The following DOCK9 variants were observed in gnomAD, a reference collection of about 807,000 sequenced individuals.
DOCK9 encodes dedicator of cytokinesis 9, also known as dedicator of cytokinesis protein 9.
Under a neutral mutation model 263.3 loss-of-function variants are expected in DOCK9, and 89 were observed. The ratio of observed to expected loss-of-function variants is 0.34; its 90% CI spans 0.28 to 0.40. The LOEUF is 0.40. DOCK9 is among the 10% of genes least tolerant of loss of function. DOCK9 has a pLI of 1.00. For synonymous variants in DOCK9, 976 were observed against 973.1 expected, an observed-to-expected ratio of 1.00 and a Z score of -0.06; for missense variants, 2,140 against 2,603.4, an observed-to-expected ratio of 0.82 and a Z score of 3.87.
intron 1 of DOCK9, chr13:99,086,092 CTT>C: frequency 7.7e-7 from 1 of 1,306,570 alleles, no homozygotes; most frequent in South Asian, 1.8e-5. Flanking sequence ...GGCCCCACCT[CTT>C]GATTCCGCGG....
intron 15 of DOCK9, among the ~76,000 whole-genome samples, chr13:98,892,968 A>C (rs2139129324): frequency 6.6e-6 from 1 of 152,348 alleles, no homozygotes; most frequent in African/African-American, 2.4e-5. Context: ...CACAGAAGTG[A>C]GCCACAGACT....
rs374759309 is a variant in DOCK9 at position 98,836,760 on chromosome 13, T to G, written c.4314+734A>C. Among the ~76,000 whole-genome samples, 216 of 152,330 alleles carry G rather than the reference T, an allele frequency of 1.4e-3. 7 individuals are homozygous for G. In the South Asian group the frequency reaches 0.042, roughly 30 times the overall value. On this transcript the variant is annotated intron_variant, in intron 39 of 52. Coordinates refer to ENST00000682017, the MANE Select transcript of DOCK9 (RefSeq NM_001366683.2). ...CTCATTATTCTTCCTAATAAAGGAA[T>G]GTGCTTTATGAGTAGTGGAGACAAG...
Position 99,006,116 on chromosome 13 carries a change from A to G in DOCK9, c.130-50565T>C, listed in dbSNP as rs904140016. Among the ~76,000 whole-genome samples, 24 of 152,348 alleles carry G rather than the reference A, an allele frequency of 1.6e-4. No homozygotes were observed. The East Asian group carries it at 4.0e-3, about 26-fold the overall frequency. ...AAGTACCATAAAGAAATTAAACAAA[A>G]TCAAAAGGCAAATGACAAAACAGAG... On this transcript the variant is annotated intron_variant, in intron 1 of 32. Transcript: ENST00000427887.
At chr13:99,052,870 A>G (rs1250555731) in intron 1 of DOCK9, among the ~76,000 whole-genome samples, 1 of 149,302 alleles carries the variant, frequency 6.7e-6, no homozygotes. Context: ...TGAGTTTTTT[A>G]TATGTTTTGG....
At chr13:98,932,263 C>T (rs139251233) in intron 2 of DOCK9, among the ~76,000 whole-genome samples, 130 of 152,058 alleles carry the variant, frequency 8.5e-4, no homozygotes, top group African/African-American at 2.4e-3. Flanking sequence ...AGTGTGATGG[C>T]GCATGCCTAT....
chr13:98,846,672 G>A, intron 37 of DOCK9: 1 of 697,758 alleles, frequency 1.4e-6, no homozygotes, highest in South Asian at 1.4e-5. Flanking sequence ...GGGCTGCAAT[G>A]ACACCTGTCC....
intron 52 of DOCK9, chr13:98,796,123 G>T: frequency 9.6e-7 from 1 of 1,044,702 alleles, no homozygotes; most frequent in Non-Finnish European, 1.5e-6. Context: ...TTATGCCAAT[G>T]TCTGTAGTTG....
At chr13:99,060,723 C>T (rs968886041) in intron 1 of DOCK9, among the ~76,000 whole-genome samples, 1 of 152,114 alleles carries the variant, frequency 6.6e-6, no homozygotes, top group Non-Finnish European at 1.5e-5. Context: ...CAGGGCACCC[C>T]ACACATCTGC....
At chr13:98,828,350 C>G (rs570766005) in intron 43 of DOCK9, among the ~76,000 whole-genome samples, 1 of 152,198 alleles carries the variant, frequency 6.6e-6, no homozygotes, top group South Asian at 2.1e-4. Flanking sequence ...TTTTTGAGAC[C>G]TAGGCCACAT....
At chr13:98,928,460 T>C (rs1168503284) in intron 3 of DOCK9, among the ~76,000 whole-genome samples, 3 of 152,230 alleles carry the variant, frequency 2.0e-5, no homozygotes, top group Non-Finnish European at 2.9e-5. Flanking sequence ...TCCAGCAGCA[T>C]AGGATGAAGC....
upstream of DOCK9, among the ~76,000 whole-genome samples, chr13:98,980,625 G>A (rs915533571): frequency 7.9e-5 from 12 of 152,180 alleles, no homozygotes; most frequent in Admixed American, 7.2e-4. Context: ...TTCATTTGAT[G>A]GTAACTACTG....
Position 98,930,819 on chromosome 13 carries a change from T to C in DOCK9, c.244-562A>G, listed in dbSNP as rs578161965. Among the ~76,000 whole-genome samples the C allele has an allele frequency of 5.4e-4, 82 of 152,238 alleles. 1 individual carries two copies. Among genetic ancestry groups the C allele is most frequent in the African/African-American group, 1.7e-3 (72 of 41,532 alleles). On this transcript the variant is annotated intron_variant, in intron 2 of 52. Coordinates refer to ENST00000682017, the MANE Select transcript of DOCK9 (RefSeq NM_001366683.2). ...GCCACCACGCTCGGTTAATTTTGTATTTTTAGTAGAGACGGGGTTTCTCCA... is the reference window on the plus strand; with the variant it reads ...GCCACCACGCTCGGTTAATTTTGTACTTTTAGTAGAGACGGGGTTTCTCCA...
chr13:98,859,686 A>C (rs972031941), intron 33 of DOCK9: 4 of 151,628 alleles, frequency 2.6e-5, no homozygotes, highest in Non-Finnish European at 5.9e-5. Flanking sequence ...AAGACTGAAG[A>C]AGGCTGTGAG....
chr13:99,032,833 GAA>G (rs1887490358), intron 1 of DOCK9, among the ~76,000 whole-genome samples: 1 of 152,170 alleles, frequency 6.6e-6, no homozygotes, highest in Non-Finnish European at 1.5e-5. Context: ...CAACCTATGT[GAA>G]AGTCTTTAAT....
chr13:98,868,927 T>A (rs1691340507), intron 27 of DOCK9, among the ~76,000 whole-genome samples: 1 of 152,168 alleles, frequency 6.6e-6, no homozygotes, highest in Non-Finnish European at 1.5e-5. Context: ...TAAAAAGTGT[T>A]TGTAAAAAGG....
chr13:98,885,881 T>C, intron 19 of DOCK9, 50 bp from the exon 20 acceptor site: 9 of 1,557,018 alleles, frequency 5.8e-6, no homozygotes, highest in Non-Finnish European at 7.8e-6. Context: ...ACACAGAAAC[T>C]CTCAGTGGAA....
At position 98,880,112 on chromosome 13, in the gene DOCK9, A is replaced by G. The variant is rs1301869173; in HGVS notation, c.2872-143T>C. The G allele has an allele frequency of 4.8e-6, 3 of 627,064 alleles. No individual in the cohort carries two copies. The African/African-American group carries it at 5.5e-5, about 12-fold the overall frequency. 38.8% of individuals were successfully genotyped at this position (627,064 alleles called of 1,614,324 possible). On this transcript the variant is annotated intron_variant, in intron 26 of 52. Transcript: ENST00000682017. Reference sequence around the variant, plus strand: ...GCACCTCTTGGCACATTATGATCAGAGCCAACGGTGAATGGCAGATGTCTT... The same window carrying G: ...GCACCTCTTGGCACATTATGATCAGGGCCAACGGTGAATGGCAGATGTCTT...
chr13:99,083,396 C>T (rs1462775714), intron 1 of DOCK9, among the ~76,000 whole-genome samples: 6 of 152,118 alleles, frequency 3.9e-5, no homozygotes, highest in Non-Finnish European at 7.3e-5. Flanking sequence ...GAAGAGCATA[C>T]TAACAAGTTG....
rs370963218 is a variant in DOCK9, at chr13:99,008,185, C to CCTCTCTCTCTCTCTCTCTCT, written c.130-52654_130-52635dup. On this transcript the variant is annotated intron_variant, in intron 1 of 32. Transcript: ENST00000427887. ...CAGATGTTTATGATATATTGTGCAG[C>CCTCTCTCTCTCTCTCTCTCT]CTCTCTCTCTCTCTCTCTCTCTCTC... Among the ~76,000 whole-genome samples, 43 of 100,960 alleles carry CCTCTCTCTCTCTCTCTCTCT rather than the reference C, an allele frequency of 4.3e-4. 1 individual carries two copies. Among genetic ancestry groups the CCTCTCTCTCTCTCTCTCTCT allele is most frequent in the Middle Eastern group, 7.4e-3 (1 of 136 alleles). The allele number at this position is 100,960 out of a possible 152,430, so 66.2% of individuals were successfully genotyped here.
Sources: gnomAD v4.1 joint callset for allele counts (sites outside exome capture counted in the v4.1 genomes callset) on GRCh38, gnomAD v4.1.1 for gene constraint, MANE v1.5 for transcripts, NCBI Gene and HGNC (gene_info 2026-07-23, HGNC 2026-07-21) for gene names.